Variants in CELF4 observed in about 807,000 individuals in gnomAD.
CELF4 encodes CUGBP Elav-like family member 4, also known as CUG-BP- and ETR-3-like factor 4.
A neutral mutation model predicts 59.9 loss-of-function variants in CELF4; 18 were observed. That is an observed-to-expected ratio of 0.30 (90% CI 0.21 to 0.45). The LOEUF (loss-of-function observed/expected upper bound fraction) is 0.45. Among genes scored for constraint, CELF4 ranks in the 20% least tolerant of loss-of-function variants. The pLI is 1.00. For synonymous variants in CELF4, 261 were observed against 267.1 expected (o/e 0.98, Z 0.22); for missense variants, 456 against 689.0 (o/e 0.66, Z 3.79).
intron 3 of CELF4, among the ~76,000 whole-genome samples, chr18:37,285,094 G>A (rs2094599053): frequency 6.6e-6 from 1 of 152,212 alleles, no homozygotes. Context: ...AGCCCCAAGG[G>A]GTGAGTGGGT....
intron 3 of CELF4, among the ~76,000 whole-genome samples, chr18:37,293,977 C>A (rs112311510): frequency 6.6e-6 from 1 of 152,182 alleles, no homozygotes; most frequent in Non-Finnish European, 1.5e-5. Flanking sequence ...AACCACCTGA[C>A]CCACCAACCA....
intron 1 of CELF4, among the ~76,000 whole-genome samples, chr18:37,519,414 G>A (rs923257862): frequency 6.6e-6 from 1 of 152,028 alleles, no homozygotes; most frequent in Non-Finnish European, 1.5e-5. Flanking sequence ...CTTTGTTTGC[G>A]CCTTCCTCCC....
chr18:37,429,236 T>G (rs2099633118), intron 2 of CELF4, among the ~76,000 whole-genome samples: 1 of 152,190 alleles, frequency 6.6e-6, no homozygotes, highest in South Asian at 2.1e-4. Flanking sequence ...CTACCTTCTC[T>G]GGTTACAAGG....
At chr18:37,417,351 A>G (rs1356956329) in intron 2 of CELF4, among the ~76,000 whole-genome samples, 1 of 152,198 alleles carries the variant, frequency 6.6e-6, no homozygotes, top group Non-Finnish European at 1.5e-5. Flanking sequence ...TTTCCAGCCA[A>G]TGGCCCAGAG....
rs112952412 is a variant in CELF4 at position 37,376,215 on chromosome 18, C to T, written c.370-54334G>A. Among the ~76,000 whole-genome samples, 141 of 152,238 alleles carry T rather than the reference C, an allele frequency of 9.3e-4. 1 individual carries two copies. Among genetic ancestry groups the T allele is most frequent in the African/African-American group, 3.2e-3 (135 of 41,544 alleles). ...TGGCCAGCCCTTTCCCAAATGGCAG[C>T]CTCCCACCTCTTCAGGCCATGTCCC... On this transcript the variant is annotated intron_variant, in intron 2 of 12. Coordinates refer to ENST00000420428, the MANE Select transcript of CELF4 (RefSeq NM_020180.4).
intron 1 of CELF4, among the ~76,000 whole-genome samples, chr18:37,541,125 G>C (rs952360987): frequency 3.9e-5 from 6 of 152,098 alleles, no homozygotes; most frequent in Non-Finnish European, 7.4e-5. Context: ...TAAATACCAT[G>C]ACATATTGAT....
At chr18:37,433,456 G>A (rs984383167) in intron 2 of CELF4, among the ~76,000 whole-genome samples, 1 of 152,158 alleles carries the variant, frequency 6.6e-6, no homozygotes, top group Non-Finnish European at 1.5e-5. Context: ...TGTTGCTTGA[G>A]GACAAGGATT....
At chr18:37,544,290 C>T (rs367804925) in intron 1 of CELF4, among the ~76,000 whole-genome samples, 408 of 152,178 alleles carry the variant, frequency 2.7e-3, no homozygotes, top group Middle Eastern at 6.8e-3. Flanking sequence ...TGTAAATTCC[C>T]GTTTGCTAGA....
intron 1 of CELF4, among the ~76,000 whole-genome samples, chr18:37,487,093 G>T (rs2154603261): frequency 6.6e-6 from 1 of 152,316 alleles, no homozygotes; most frequent in East Asian, 1.9e-4. Flanking sequence ...GCTGGTGCCA[G>T]TATGGTACCT....
rs750215578 is a variant in CELF4 at position 37,270,882 on chromosome 18, C to T, written c.985G>A (p.Val329Met). 6.8e-6 allele frequency: 11 copies of T among 1,613,258 alleles called. No homozygotes were observed. The highest frequency in any genetic ancestry group is 2.2e-5 in the East Asian group (1 of 44,854). The stretch of plus-strand genomic sequence containing the variant: ...CCAATGGGGGATGGGATGCTAGGCA[C>T]GGCTGGTGCAGTGATGCCCGGAGGG... ...STPPGITAPA[V>M]PSIPSPIGVN... The change falls in exon 8 of 13, where the codon GTG (valine) becomes ATG (methionine). Residue 329 changes from valine (V) to methionine (M), a missense_variant. Val to Met is a conservative substitution (Grantham distance 21, BLOSUM62 1). This residue lies in a region of CELF4 where 256 missense variants were observed against 340.8 expected (regional missense o/e 0.75). Coordinates refer to ENST00000420428, the MANE Select transcript of CELF4 (RefSeq NM_020180.4).
chr18:37,445,921 C>T (rs2099746946), intron 2 of CELF4, among the ~76,000 whole-genome samples: 2 of 152,188 alleles, frequency 1.3e-5, no homozygotes, highest in Admixed American at 1.3e-4. Flanking sequence ...TGAGTATCTA[C>T]GCTATGCCAG....
At chr18:37,333,586 G>A (rs140012319) in intron 2 of CELF4, among the ~76,000 whole-genome samples, 192 of 152,200 alleles carry the variant, frequency 1.3e-3, no homozygotes, top group African/African-American at 4.5e-3. Context: ...ACGCCTCATG[G>A]AGAGGCAAGA....
At chr18:37,556,933 G>C (rs1314769524) in intron 1 of CELF4, among the ~76,000 whole-genome samples, 1 of 152,170 alleles carries the variant, frequency 6.6e-6, no homozygotes, top group African/African-American at 2.4e-5. Context: ...TCTAGAGAGT[G>C]AGGCTCCTGT....
At chr18:37,537,951 T>C (rs2099974860) in intron 1 of CELF4, among the ~76,000 whole-genome samples, 1 of 152,366 alleles carries the variant, frequency 6.6e-6, no homozygotes, top group Non-Finnish European at 1.5e-5. Flanking sequence ...GCTGTGTGAT[T>C]GGGGCACAGA....
chr18:37,365,481 ATTTT>A lies in CELF4; in HGVS notation c.370-43604_370-43601del, dbSNP rs10670336. Among the ~76,000 whole-genome samples, 38 of 97,764 alleles carry A rather than the reference ATTTT, an allele frequency of 3.9e-4. 1 individual carries two copies. Among genetic ancestry groups the A allele is most frequent in the Non-Finnish European group, 5.6e-4 (30 of 53,490 alleles). The allele number at this position is 97,764 out of a possible 152,430, so 64.1% of individuals were successfully genotyped here. ...CAGATCCCTGAAGGCGGATGGGGCA[ATTTT>A]TTTTTTTTTTTTTTTTTTGAGATGG... On this transcript the variant is annotated intron_variant, in intron 2 of 12. Coordinates refer to ENST00000420428, the MANE Select transcript of CELF4 (RefSeq NM_020180.4).
chr18:37,334,758 TC>T (rs2097701650), intron 2 of CELF4, among the ~76,000 whole-genome samples: 1 of 151,340 alleles, frequency 6.6e-6, no homozygotes, highest in Admixed American at 6.6e-5. Context: ...CTCCTGTGGC[TC>T]CCGGGCCTCA....
intron 1 of CELF4, among the ~76,000 whole-genome samples, chr18:37,489,705 C>T (rs1301060623): frequency 9.8e-5 from 15 of 152,318 alleles, no homozygotes; most frequent in Non-Finnish European, 1.8e-4. Flanking sequence ...ACATCCCTGG[C>T]GGGGCCCTTT....
intron 1 of CELF4, among the ~76,000 whole-genome samples, chr18:37,528,087 T>G (rs1222456271): frequency 6.6e-6 from 1 of 152,194 alleles, no homozygotes; most frequent in African/African-American, 2.4e-5. Context: ...GAGAGCAAAG[T>G]GACTTGTTCA....
chr18:37,314,737 A>T (rs1381585942), intron 3 of CELF4, among the ~76,000 whole-genome samples: 1 of 152,020 alleles, frequency 6.6e-6, no homozygotes, highest in Non-Finnish European at 1.5e-5. Flanking sequence ...TGTGGGGGGA[A>T]CAACAGGACA....
Sources: allele counts gnomAD v4.1 joint callset (sites outside exome capture counted in the v4.1 genomes callset), GRCh38; gene constraint gnomAD v4.1.1; regional missense constraint gnomAD v4.1.1; transcripts MANE v1.5; gene names NCBI Gene and HGNC (gene_info 2026-07-23, HGNC 2026-07-21).